GTF2IRD1: variants seen among roughly 807,000 people sequenced by gnomAD.
The protein encoded by GTF2IRD1 is general transcription factor II-I repeat domain-containing protein 1.
A neutral mutation model predicts 113.2 loss-of-function variants in GTF2IRD1; 26 were observed. The ratio of observed to expected loss-of-function variants is 0.23; its 90% confidence interval spans 0.17 to 0.32. The LOEUF (loss-of-function observed/expected upper bound fraction) is 0.32. GTF2IRD1 is among the 10% of genes least tolerant of loss of function. The pLI is 1.00. For synonymous variants in GTF2IRD1, 484 were observed against 529.1 expected, an observed-to-expected ratio of 0.91 and a Z score of 1.17; for missense variants, 864 against 1,280.8, an observed-to-expected ratio of 0.67 and a Z score of 4.97.
intron 11 of GTF2IRD1, among the ~76,000 whole-genome samples, chr7:74,536,623 C>A (rs1798313593): frequency 6.6e-6 from 1 of 151,812 alleles, no homozygotes; most frequent in Non-Finnish European, 1.5e-5. Context: ...GCCTGGGCAA[C>A]ATGGTGAAAC....
At chr7:74,511,369 G>A (rs1796618362) in intron 2 of GTF2IRD1, among the ~76,000 whole-genome samples, 1 of 152,234 alleles carries the variant, frequency 6.6e-6, no homozygotes. Context: ...TTAGGTGGGT[G>A]AGTTTTCTGC....
chr7:74,524,855 CT>C (rs1410352651), intron 8 of GTF2IRD1, among the ~76,000 whole-genome samples: 4 of 152,104 alleles, frequency 2.6e-5, no homozygotes, highest in Non-Finnish European at 5.9e-5. Context: ...CACAGTGAGA[CT>C]CTGTCTCAAA....
chr7:74,498,913 A>G (rs555885175), intron 1 of GTF2IRD1, among the ~76,000 whole-genome samples: 6 of 152,078 alleles, frequency 3.9e-5, no homozygotes, highest in African/African-American at 1.2e-4. Context: ...TATTTTTAGT[A>G]GAGATGGGGT....
At chr7:74,492,633 G>T (rs1317379202) in intron 1 of GTF2IRD1, among the ~76,000 whole-genome samples, 4 of 152,240 alleles carry the variant, frequency 2.6e-5, no homozygotes, top group Admixed American at 6.5e-5. Flanking sequence ...AAAAGTGTCT[G>T]TTCATGTCCT....
chr7:74,597,586 A>T (rs1317679470), intron 25 of GTF2IRD1, among the ~76,000 whole-genome samples: 1 of 151,964 alleles, frequency 6.6e-6, no homozygotes, highest in Non-Finnish European at 1.5e-5. Context: ...ACCTCAAGTG[A>T]TCTTCCCACC....
At position 74,494,717 on chromosome 7, in the gene GTF2IRD1, A is replaced by G. The variant is rs577234670; in HGVS notation, c.-6-13358A>G. ...GCCTGGGCAATATAGGGAAACTCCC[A>G]TTTCTATTTAAAAAAAACAAAAAAC... On this transcript the variant is annotated intron_variant, in intron 1 of 26. Coordinates refer to ENST00000424337, the MANE Select transcript of GTF2IRD1 (RefSeq NM_005685.4). Among the ~76,000 whole-genome samples, 23 of 151,080 alleles carry G rather than the reference A, an allele frequency of 1.5e-4. No individual in the cohort carries two copies. In the South Asian group the frequency reaches 4.8e-3, roughly 31 times the overall value.
chr7:74,483,845 ACT>A (rs138187742), intron 1 of GTF2IRD1, among the ~76,000 whole-genome samples: 3,336 of 151,768 alleles, frequency 0.022, 119 homozygotes, highest in African/African-American at 0.076. Context: ...GCAGAGCAAG[ACT>A]CTGTCTCTTT....
At chr7:74,467,373 C>T (rs1793789519) in intron 1 of GTF2IRD1, among the ~76,000 whole-genome samples, 1 of 152,212 alleles carries the variant, frequency 6.6e-6, no homozygotes, top group African/African-American at 2.4e-5. Context: ...GTGGGGGCAG[C>T]TTGTCTCTCT....
chr7:74,538,411 T>C (rs1273617637), intron 12 of GTF2IRD1, among the ~76,000 whole-genome samples: 1 of 152,190 alleles, frequency 6.6e-6, no homozygotes, highest in East Asian at 1.9e-4. Context: ...CTCCTGTCGA[T>C]GCCCAGACCC....
intron 1 of GTF2IRD1, among the ~76,000 whole-genome samples, chr7:74,503,657 G>C (rs1434100780): frequency 6.6e-6 from 1 of 152,190 alleles, no homozygotes; most frequent in Admixed American, 6.5e-5. Flanking sequence ...GCTGAGGCAG[G>C]AGAATCACTT....
chr7:74,534,771 T>C (rs1260186466), intron 9 of GTF2IRD1, among the ~76,000 whole-genome samples: 1 of 150,178 alleles, frequency 6.7e-6, no homozygotes, highest in African/African-American at 2.5e-5. Context: ...GGCATGGTGG[T>C]GCACGTCTGT....
intron 1 of GTF2IRD1, among the ~76,000 whole-genome samples, chr7:74,478,508 T>C (rs1483315806): frequency 6.6e-6 from 1 of 152,090 alleles, no homozygotes; most frequent in Non-Finnish European, 1.5e-5. Context: ...CAGGCTGGAG[T>C]GCAGTGGTGC....
chr7:74,566,121 TATG>T (rs1422547512), intron 22 of GTF2IRD1, among the ~76,000 whole-genome samples: 1 of 152,198 alleles, frequency 6.6e-6, no homozygotes, highest in South Asian at 2.1e-4. Context: ...TGTTCATTTT[TATG>T]ATGATACATT....
At chr7:74,491,514 C>G (rs1229403888) in intron 1 of GTF2IRD1, among the ~76,000 whole-genome samples, 1 of 82,354 alleles carries the variant, frequency 1.2e-5, no homozygotes, top group Admixed American at 9.8e-5. Context: ...GTGTGTGTTG[C>G]CCCCCTCTCT....
intron 17 of GTF2IRD1, among the ~76,000 whole-genome samples, chr7:74,554,517 G>A (rs1388430048): frequency 1.3e-5 from 2 of 152,106 alleles, no homozygotes; most frequent in Non-Finnish European, 2.9e-5. Context: ...TTCTTGCTTC[G>A]TAGTGGGCCC....
intron 1 of GTF2IRD1, among the ~76,000 whole-genome samples, chr7:74,477,993 C>T (rs1362223182): frequency 6.6e-6 from 1 of 152,218 alleles, no homozygotes; most frequent in Non-Finnish European, 1.5e-5. Flanking sequence ...CGCCCCAGAG[C>T]TGGTTTCCTC....
chr7:74,545,801 C>T lies in GTF2IRD1; in HGVS notation c.1724C>T (p.Thr575Ile). 6.2e-7 allele frequency: 1 copy of T among 1,612,292 alleles called. No homozygotes were observed. The highest frequency in any genetic ancestry group is 8.5e-7 in the Non-Finnish European group (1 of 1,178,520). The change falls in exon 16 of 27, where the codon ACA becomes ATA. Residue 575 changes from threonine to isoleucine, a missense_variant. By Grantham distance (89) the Thr-to-Ile change is moderately conservative (BLOSUM62 -1). Coordinates refer to ENST00000424337, the MANE Select transcript of GTF2IRD1 (RefSeq NM_005685.4). ...AAGCAGGTGGAGCTGCTCTTCAACA[C>T]ACGATACGGTGAGCAAGAAGTGGGA... ...LRKQVELLFN[T>I]RYAKAIGISE...
At chr7:74,495,002 G>T (rs1329016709) in intron 1 of GTF2IRD1, among the ~76,000 whole-genome samples, 1 of 152,210 alleles carries the variant, frequency 6.6e-6, no homozygotes, top group African/African-American at 2.4e-5. Context: ...CAATCCTTCT[G>T]CCTCAGCCTC....
chr7:74,475,403 G>A (rs2117049825), intron 1 of GTF2IRD1, among the ~76,000 whole-genome samples: 1 of 152,354 alleles, frequency 6.6e-6, no homozygotes, highest in South Asian at 2.1e-4. Context: ...AGAGGGGAAG[G>A]AAGTTCTCCA....
Sources: allele counts gnomAD v4.1 joint callset (sites outside exome capture counted in the v4.1 genomes callset), GRCh38; gene constraint gnomAD v4.1.1; transcripts MANE v1.5; gene names NCBI Gene and HGNC (gene_info 2026-07-23, HGNC 2026-07-21).